PRKAG2: variants seen among roughly 807,000 people sequenced by gnomAD.
PRKAG2 encodes protein kinase AMP-activated non-catalytic subunit gamma 2.
PRKAG2 carries 26 observed loss-of-function variants against 69.6 expected under a neutral mutation model. The observed-to-expected ratio is 0.37, with a 90% confidence interval of 0.27 to 0.52. The LOEUF is 0.52. Ranked by LOEUF, PRKAG2 falls within the 20% of genes least tolerant of loss-of-function variation. The probability of loss-of-function intolerance (pLI) is 0.90; values close to 1 mark genes in which losing one functional copy is unlikely to be tolerated. For missense variants in PRKAG2, 557 were observed against 740.0 expected, an observed-to-expected ratio of 0.75 and a Z score of 2.87; for synonymous variants, 293 against 285.0, an observed-to-expected ratio of 1.03 and a Z score of -0.28.
chr7:151,620,519 C>T (rs1383860231), intron 5 of PRKAG2, among the ~76,000 whole-genome samples: 6 of 151,892 alleles, frequency 4.0e-5, no homozygotes, highest in Non-Finnish European at 7.4e-5. Context: ...ACTCTGTTGC[C>T]CAGGCTAGAG....
intron 3 of PRKAG2, among the ~76,000 whole-genome samples, chr7:151,721,895 C>T (rs1797179545): frequency 1.3e-5 from 2 of 152,090 alleles, no homozygotes; most frequent in Non-Finnish European, 2.9e-5. Flanking sequence ...ATTCTTTCCC[C>T]TTATCTGCCT....
intron 15 of PRKAG2, chr7:151,559,723 G>A (rs150013954): frequency 0.01 from 9,926 of 985,300 alleles, 51 homozygotes; most frequent in Non-Finnish European, 0.011. Context: ...CACACACACC[G>A]TTTAATATTG....
At chr7:151,773,864 G>C (rs532120936) in intron 3 of PRKAG2, among the ~76,000 whole-genome samples, 1 of 152,284 alleles carries the variant, frequency 6.6e-6, no homozygotes, top group African/African-American at 2.4e-5. Flanking sequence ...AGGTCAGCCA[G>C]GTAAACATTT....
intron 1 of PRKAG2, among the ~76,000 whole-genome samples, chr7:151,797,586 T>C (rs577792465): frequency 6.6e-6 from 1 of 152,284 alleles, no homozygotes; most frequent in East Asian, 1.9e-4. Context: ...GAGCCATACA[T>C]CAAAAGATTC....
At chr7:151,864,816 C>G (rs1225385176) in intron 1 of PRKAG2, among the ~76,000 whole-genome samples, 2 of 152,150 alleles carry the variant, frequency 1.3e-5, no homozygotes, top group Non-Finnish European at 2.9e-5. Context: ...TCACCCACAG[C>G]CCCTTAAAGC....
chr7:151,709,933 T>C (rs1839298899), intron 3 of PRKAG2, among the ~76,000 whole-genome samples: 3 of 152,182 alleles, frequency 2.0e-5, no homozygotes, highest in Non-Finnish European at 4.4e-5. Flanking sequence ...CTGAGTGACG[T>C]GTGACACTGA....
At position 151,835,462 on chromosome 7, in the gene PRKAG2, G is replaced by C. The variant is rs1315894574; in HGVS notation, c.114+41045C>G. Among the ~76,000 whole-genome samples the C allele has an allele frequency of 6.6e-6, 1 of 152,022 alleles. No homozygotes were observed. The highest frequency in any genetic ancestry group is 1.5e-5 in the Non-Finnish European group (1 of 67,998). On this transcript the variant is annotated intron_variant, in intron 1 of 15. Coordinates refer to ENST00000287878, the MANE Select transcript of PRKAG2 (RefSeq NM_016203.4). The surrounding 1 kb of genome is among the most constrained non-coding windows in gnomAD (Gnocchi z 4.1). ...TCCCACCTCGGCCCCACAAAGTGCT[G>C]GGATTACAGGCATTAACCACCACAC...
At position 151,619,786 on chromosome 7, in the gene PRKAG2, C is replaced by T. The variant is rs534886654; in HGVS notation, c.754+12283G>A. ...TGAAATCCTAGCACTTTGGAGGGGC[C>T]GAGGTGGGAGGATCACCTGAGGTCA... On this transcript the variant is annotated intron_variant, in intron 5 of 15. Transcript: ENST00000287878. Among the ~76,000 whole-genome samples the T allele has an allele frequency of 8.5e-5, 13 of 152,168 alleles. No homozygotes were observed. In the South Asian group the frequency reaches 1.2e-3, roughly 15 times the overall value.
intron 3 of PRKAG2, among the ~76,000 whole-genome samples, chr7:151,747,382 C>A (rs1044922425): frequency 3.3e-5 from 5 of 152,200 alleles, no homozygotes; most frequent in Admixed American, 3.3e-4. Context: ...CATGGTGAAA[C>A]TCCGTCTCTA....
intron 3 of PRKAG2, among the ~76,000 whole-genome samples, chr7:151,710,344 G>A (rs534415759): frequency 2.6e-5 from 4 of 152,110 alleles, no homozygotes; most frequent in African/African-American, 9.6e-5. Context: ...CTCGCCCCCC[G>A]CCCTGAGGCA....
chr7:151,812,375 G>A (rs1448403198), intron 1 of PRKAG2, among the ~76,000 whole-genome samples: 1 of 152,186 alleles, frequency 6.6e-6, no homozygotes, highest in African/African-American at 2.4e-5. Context: ...ACTTTTAAAG[G>A]AAGAAAAAGA....
At position 151,614,838 on chromosome 7, in the gene PRKAG2, C is replaced by G. The variant is rs116555134; in HGVS notation, c.754+17231G>C. 0.023 allele frequency among the ~76,000 whole-genome samples: 3,464 copies of G among 152,342 alleles called. 131 individuals carry two copies. The highest frequency in any genetic ancestry group is 0.079 in the African/African-American group (3,267 of 41,562). ...CGACCACTGATCACTTGGCACTGGG[C>G]TCTCAGCCCCAGTCTCCTCACCTTT... On this transcript the variant is annotated intron_variant, in intron 5 of 15. Transcript: ENST00000287878. The surrounding 1 kb of genome is among the most constrained non-coding windows in gnomAD (Gnocchi z 4.4).
chr7:151,565,516 T>C, intron 12 of PRKAG2, 133 bp from the exon 13 acceptor site: 1 of 987,900 alleles, frequency 1.0e-6, no homozygotes, highest in African/African-American at 1.6e-5. Flanking sequence ...AATGAAAACT[T>C]AGATATGAAA....
intron 1 of PRKAG2, among the ~76,000 whole-genome samples, chr7:151,852,006 G>A (rs947071921): frequency 7.2e-5 from 11 of 152,078 alleles, no homozygotes; most frequent in South Asian, 2.1e-4. Context: ...GCAAGCTCTC[G>A]CCTGTCCCGT....
At chr7:151,876,342 G>A (rs1219522915) in intron 1 of PRKAG2, among the ~76,000 whole-genome samples, 165 bp downstream of exon 1, 1 of 152,012 alleles carries the variant, frequency 6.6e-6, no homozygotes, top group Non-Finnish European at 1.5e-5. Flanking sequence ...CCCCGGCTCC[G>A]CCAGCCCAGC....
intron 1 of PRKAG2, among the ~76,000 whole-genome samples, chr7:151,839,878 G>A (rs1288266729): frequency 5.3e-5 from 8 of 152,118 alleles, no homozygotes; most frequent in Admixed American, 5.2e-4. Flanking sequence ...AGCAGAGGAA[G>A]CTGAGCAGGG....
At chr7:151,668,656 C>A (rs1466943336) in intron 4 of PRKAG2, among the ~76,000 whole-genome samples, 1 of 152,196 alleles carries the variant, frequency 6.6e-6, no homozygotes, top group Non-Finnish European at 1.5e-5. Flanking sequence ...GGCACAAAAT[C>A]CAGCTGTCTT....
intron 4 of PRKAG2, among the ~76,000 whole-genome samples, chr7:151,642,354 C>CAACA (rs1826877388): frequency 6.6e-6 from 1 of 151,762 alleles, no homozygotes; most frequent in Non-Finnish European, 1.5e-5. Flanking sequence ...AACAAACAAA[C>CAACA]AACAAACAAA....
intron 3 of PRKAG2, among the ~76,000 whole-genome samples, chr7:151,707,973 C>T (rs1179485680): frequency 9.8e-5 from 15 of 152,340 alleles, no homozygotes; most frequent in South Asian, 6.2e-4. Flanking sequence ...CAGGGGAGGA[C>T]GCACAGAGAA....
Sources: gnomAD v4.1 joint callset for allele counts (sites outside exome capture counted in the v4.1 genomes callset) on GRCh38, gnomAD v4.1.1 for gene constraint, Gnocchi (gnomAD v3.1) non-coding constraint, MANE v1.5 for transcripts, NCBI Gene and HGNC (gene_info 2026-07-23, HGNC 2026-07-21) for gene names.